The following ANKRD17 variants were observed in gnomAD, a reference collection of about 807,000 sequenced individuals.
The protein encoded by ANKRD17 is ankyrin repeat domain-containing protein 17.
A neutral mutation model predicts 229.7 loss-of-function variants in ANKRD17; 19 were observed. The ratio of observed to expected loss-of-function variants is 0.08; its 90% confidence interval spans 0.06 to 0.12. ANKRD17 has a LOEUF of 0.12. ANKRD17 is among the 10% of genes least tolerant of loss of function. The pLI is 1.00. For missense variants in ANKRD17, 2,176 were observed against 3,176.8 expected (o/e 0.68, Z 7.57); for synonymous variants, 1,112 against 1,146.1 (o/e 0.97, Z 0.60).
chr4:73,104,923 G>A (rs1451834867), intron 24 of ANKRD17, among the ~76,000 whole-genome samples: 8 of 152,196 alleles, frequency 5.3e-5, no homozygotes, highest in Non-Finnish European at 2.9e-5. Flanking sequence ...AGGGCTGGCA[G>A]AGTCAGTCAG....
chr4:73,191,886 T>TAA (rs1463363184), intron 1 of ANKRD17, among the ~76,000 whole-genome samples: 1 of 152,106 alleles, frequency 6.6e-6, no homozygotes, highest in African/African-American at 2.4e-5. Flanking sequence ...AAATTTAGTA[T>TAA]AAAAATACTT....
chr4:73,139,372 CATCT>C (rs1397924317), intron 15 of ANKRD17, among the ~76,000 whole-genome samples, 155 bp downstream of exon 15: 1 of 152,188 alleles, frequency 6.6e-6, no homozygotes, highest in Admixed American at 6.5e-5. Context: ...GACCTGTATC[CATCT>C]GAGAACTTCT....
At chr4:73,106,975 T>A (rs530244906) in intron 24 of ANKRD17, among the ~76,000 whole-genome samples, 280 of 148,040 alleles carry the variant, frequency 1.9e-3, no homozygotes, top group Middle Eastern at 7.2e-3. Flanking sequence ...GACACAGATA[T>A]GTATACAGGT....
At chr4:73,244,885 A>G (rs1263889310) in intron 1 of ANKRD17, among the ~76,000 whole-genome samples, 1 of 152,228 alleles carries the variant, frequency 6.6e-6, no homozygotes, top group Non-Finnish European at 1.5e-5. Flanking sequence ...GGAAGGGCAC[A>G]TCATATGCCT....
At chr4:73,170,668 C>A (rs1733870054) in intron 2 of ANKRD17, among the ~76,000 whole-genome samples, 1 of 151,992 alleles carries the variant, frequency 6.6e-6, no homozygotes, top group Non-Finnish European at 1.5e-5. Flanking sequence ...AGTCTCAGGC[C>A]TGGCAGCTTT....
At chr4:73,181,207 T>C (rs1440253480) in intron 1 of ANKRD17, among the ~76,000 whole-genome samples, 1 of 152,198 alleles carries the variant, frequency 6.6e-6, no homozygotes, top group Non-Finnish European at 1.5e-5. Flanking sequence ...CAAAATGCTA[T>C]CTTCATTGAT....
chr4:73,163,163 G>A (rs1271112950), intron 2 of ANKRD17, among the ~76,000 whole-genome samples: 1 of 151,942 alleles, frequency 6.6e-6, no homozygotes, highest in Admixed American at 6.6e-5. Flanking sequence ...GCCCCCTGTA[G>A]TGGTTTTCAA....
At chr4:73,238,102 AAACC>A (rs1218953466) in intron 1 of ANKRD17, among the ~76,000 whole-genome samples, 5 of 151,878 alleles carry the variant, frequency 3.3e-5, no homozygotes, top group African/African-American at 9.7e-5. Flanking sequence ...AAAAAAAAAA[AAACC>A]AACCATCTCA....
intron 22 of ANKRD17, among the ~76,000 whole-genome samples, chr4:73,116,831 T>A (rs572915429): frequency 6.6e-6 from 1 of 152,014 alleles, no homozygotes; most frequent in Admixed American, 6.6e-5. Context: ...ATAGACAATG[T>A]ATATAGACAT....
chr4:73,107,240 T>C (rs918525087), intron 24 of ANKRD17, among the ~76,000 whole-genome samples: 2 of 152,206 alleles, frequency 1.3e-5, no homozygotes, highest in African/African-American at 4.8e-5. Context: ...CAAAAATAAT[T>C]GAGAACCTAA....
intron 1 of ANKRD17, among the ~76,000 whole-genome samples, chr4:73,179,999 AC>A (rs1191939976): frequency 6.6e-6 from 1 of 152,168 alleles, no homozygotes; most frequent in East Asian, 1.9e-4. Flanking sequence ...TAAAATATTT[AC>A]AATTATTTCA....
At chr4:73,229,950 A>C (rs1325852682) in intron 1 of ANKRD17, among the ~76,000 whole-genome samples, 1 of 152,118 alleles carries the variant, frequency 6.6e-6, no homozygotes, top group African/African-American at 2.4e-5. Context: ...TTCTAAAGTA[A>C]TCCATCATAT....
intron 2 of ANKRD17, among the ~76,000 whole-genome samples, chr4:73,161,574 G>C (rs974309070): frequency 2.0e-5 from 3 of 152,152 alleles, no homozygotes; most frequent in African/African-American, 7.2e-5. Context: ...GTGACCCTCT[G>C]GTGCCAGAAA....
chr4:73,257,219 G>A (rs1745527288), intron 1 of ANKRD17, among the ~76,000 whole-genome samples: 1 of 152,212 alleles, frequency 6.6e-6, no homozygotes, highest in Admixed American at 6.5e-5. Context: ...ATTTCAGGAA[G>A]GAGACAAGAG....
chr4:73,111,292 A>T (rs1239721853), intron 24 of ANKRD17, among the ~76,000 whole-genome samples: 1 of 152,180 alleles, frequency 6.6e-6, no homozygotes, highest in Non-Finnish European at 1.5e-5. Flanking sequence ...TGGGGCCATT[A>T]TTAAGTAAAA....
intron 1 of ANKRD17, among the ~76,000 whole-genome samples, chr4:73,240,074 A>G (rs1030122329): frequency 3.9e-5 from 6 of 152,168 alleles, no homozygotes; most frequent in Non-Finnish European, 5.9e-5. Context: ...CATTGGAAAG[A>G]TAGTGCAAGA....
rs1726742781 is a variant in ANKRD17, at chr4:73,121,721, C to T, written c.3531G>A (p.Glu1177=). ...GTGTGTAATCAGAAACATTCCTGTG[C>T]TCTTTATTTGCCCCTCGAGCTAACA... ...ELLLARGANK[E]HRNVSDYTPL... The change falls in exon 19 of 34, where the codon GAG becomes GAA. Residue 1177 remains glutamate (E), a synonymous_variant. Coordinates refer to ENST00000358602, the MANE Select transcript of ANKRD17 (RefSeq NM_032217.5). The T allele has an allele frequency of 2.5e-6, 4 of 1,612,196 alleles. No homozygotes were observed. Among genetic ancestry groups the T allele is most frequent in the Non-Finnish European group, 3.4e-6 (4 of 1,179,342 alleles).
chr4:73,171,130 A>T (rs1481127094), intron 2 of ANKRD17, among the ~76,000 whole-genome samples: 3 of 147,388 alleles, frequency 2.0e-5, no homozygotes, highest in African/African-American at 7.5e-5. Context: ...TGGTGACCAC[A>T]GGGGTACTTG....
At position 73,191,339 on chromosome 4, in the gene ANKRD17, ATATG is replaced by A. The variant is rs1553933195; in HGVS notation, c.394-13810_394-13807del. Among the ~76,000 whole-genome samples, 160 of 60,858 alleles carry A rather than the reference ATATG, an allele frequency of 2.6e-3. 1 individual carries two copies. The highest frequency in any genetic ancestry group is 7.9e-3 in the African/African-American group (155 of 19,718). 39.9% of individuals were successfully genotyped at this position (60,858 alleles called of 152,430 possible). A position where few individuals can be genotyped will look rare whatever the true frequency, so the allele number is the denominator to read the frequency against. On this transcript the variant is annotated intron_variant, in intron 1 of 33. Transcript: ENST00000358602. ...AAAATAGGCCCCTACCAAAAAATAT[ATATG>A]TGTGTGTGTGTGTGTGTGTGTGTGT...
Sources: gnomAD v4.1 joint callset for allele counts (sites outside exome capture counted in the v4.1 genomes callset) on GRCh38, gnomAD v4.1.1 for gene constraint, MANE v1.5 for transcripts, NCBI Gene and HGNC (gene_info 2026-07-23, HGNC 2026-07-21) for gene names.